GRAMD1C: variants seen among roughly 807,000 people sequenced by gnomAD.
GRAMD1C encodes GRAM domain containing 1C.
Under a neutral mutation model 97.8 loss-of-function variants are expected in GRAMD1C, and 89 were observed. The ratio of observed to expected loss-of-function variants is 0.91; its 90% CI spans 0.77 to 1.09. The LOEUF (loss-of-function observed/expected upper bound fraction) is 1.09, where lower values mean the gene tolerates loss of function less well. Ranked by LOEUF, GRAMD1C falls within the 50% of genes least tolerant of loss-of-function variation. The probability of loss-of-function intolerance (pLI) is 0.00; values close to 1 mark genes in which losing one functional copy is unlikely to be tolerated. For synonymous variants in GRAMD1C, 256 were observed against 267.0 expected, an observed-to-expected ratio of 0.96 and a Z score of 0.40; for missense variants, 740 against 766.4, an observed-to-expected ratio of 0.97 and a Z score of 0.41.
chr3:113,881,178 G>C (rs1189175908), intron 5 of GRAMD1C, among the ~76,000 whole-genome samples: 1 of 152,024 alleles, frequency 6.6e-6, no homozygotes, highest in Non-Finnish European at 1.5e-5. Context: ...TGTCTGAGAT[G>C]GAGTCTCACT....
chr3:113,843,737 C>T (rs1933479016), intron 1 of GRAMD1C, among the ~76,000 whole-genome samples: 1 of 152,186 alleles, frequency 6.6e-6, no homozygotes, highest in Non-Finnish European at 1.5e-5. Flanking sequence ...GGATTACAGG[C>T]GTGAGCCACC....
At chr3:113,842,571 C>T (rs1423728374) in intron 1 of GRAMD1C, among the ~76,000 whole-genome samples, 1 of 152,098 alleles carries the variant, frequency 6.6e-6, no homozygotes, top group Non-Finnish European at 1.5e-5. Flanking sequence ...CTTCTCTACC[C>T]TCTCATGTTT....
chr3:113,916,557 A>G (rs1306643505), intron 10 of GRAMD1C, among the ~76,000 whole-genome samples: 3 of 152,182 alleles, frequency 2.0e-5, no homozygotes, highest in African/African-American at 7.2e-5. Context: ...GGCCAAACAA[A>G]TTTATGGACA....
rs1381031402 is a variant in GRAMD1C, at chr3:113,933,567, G to A, written c.1266G>A (p.Leu422=). 6.2e-7 allele frequency: 1 copy of A among 1,601,272 alleles called. No homozygotes were observed. The highest frequency in any genetic ancestry group is 8.6e-7 in the Non-Finnish European group (1 of 1,168,454). ...TTTATTTGGTAGATTCAGAAGTACT[G>A]ACACATGATGTCCCCTACCATGATT... ...ARFYLVDSEV[L]THDVPYHDYF... The change falls in exon 12 of 18, where the codon CTG becomes CTA. Residue 422 remains leucine, a synonymous_variant. Transcript: ENST00000358160.
At chr3:113,858,359 A>G (rs975640446) in intron 2 of GRAMD1C, among the ~76,000 whole-genome samples, 4 of 144,748 alleles carry the variant, frequency 2.8e-5, no homozygotes, top group Non-Finnish European at 4.5e-5. Context: ...CAGCCTCCCA[A>G]GTAGCTGGGA....
intron 1 of GRAMD1C, among the ~76,000 whole-genome samples, chr3:113,841,272 T>C (rs1277793502): frequency 1.8e-5 from 1 of 54,888 alleles, no homozygotes; most frequent in Non-Finnish European, 4.0e-5. Flanking sequence ...ACAAAGTACT[T>C]CTTTCTTTCT....
chr3:113,873,527 T>A (rs1370553946), intron 3 of GRAMD1C, among the ~76,000 whole-genome samples: 2 of 151,978 alleles, frequency 1.3e-5, no homozygotes, highest in African/African-American at 2.4e-5. Context: ...TTATTTTATT[T>A]TTTTTTTTGG....
intron 2 of GRAMD1C, among the ~76,000 whole-genome samples, chr3:113,845,419 C>T (rs79548880): frequency 0.012 from 1,772 of 152,162 alleles, 33 homozygotes; most frequent in African/African-American, 0.04. Flanking sequence ...TGGCTGGGCA[C>T]GATAGCTCAC....
intron 2 of GRAMD1C, among the ~76,000 whole-genome samples, chr3:113,857,412 G>A (rs1934183167): frequency 7.0e-6 from 1 of 142,488 alleles, no homozygotes. Flanking sequence ...GTCTTGCTCT[G>A]TCGCCCAGGC....
chr3:113,918,614 C>CT (rs1398883247), intron 10 of GRAMD1C, among the ~76,000 whole-genome samples: 1 of 152,212 alleles, frequency 6.6e-6, no homozygotes, highest in Non-Finnish European at 1.5e-5. Context: ...TAGTCAGAAG[C>CT]TTTACTACAA....
intron 2 of GRAMD1C, among the ~76,000 whole-genome samples, chr3:113,866,041 A>AAAATG (rs1427286048): frequency 1.3e-5 from 2 of 152,216 alleles, no homozygotes; most frequent in African/African-American, 4.8e-5. Context: ...GTGCTTGAAA[A>AAAATG]AAATGTGTAT....
Position 113,930,844 on chromosome 3 carries a change from T to A in GRAMD1C, c.1209+12T>A. On this transcript the variant is annotated intron_variant, in intron 11 of 17. Transcript: ENST00000358160. The stretch of plus-strand genomic sequence containing the variant: ...CCACTGAAAAGCAGGTACGTCTGCT[T>A]TGTCAGTGTCCAGAAGAGTCATGTG... The A allele has an allele frequency of 7.4e-7, 1 of 1,359,276 alleles. No homozygotes were observed. The highest frequency in any genetic ancestry group is 1.1e-6 in the Non-Finnish European group (1 of 948,122). The allele number at this position is 1,359,276 out of a possible 1,614,324, so 84.2% of individuals were successfully genotyped here. A position where few individuals can be genotyped will look rare whatever the true frequency, so the allele number is the denominator to read the frequency against.
chr3:113,920,584 C>T (rs928239630), intron 10 of GRAMD1C, among the ~76,000 whole-genome samples: 1 of 152,044 alleles, frequency 6.6e-6, no homozygotes, highest in Non-Finnish European at 1.5e-5. Context: ...TCTGGTTGCC[C>T]AGGCTGGAGT....
chr3:113,875,644 G>C, intron 4 of GRAMD1C, 57 bp downstream of exon 4: 1 of 786,422 alleles, frequency 1.3e-6, no homozygotes, highest in South Asian at 1.5e-5. Context: ...GATATATACA[G>C]TTCTTCCAAA....
At chr3:113,931,916 ACT>A (rs1485196726) in intron 11 of GRAMD1C, among the ~76,000 whole-genome samples, 1 of 152,076 alleles carries the variant, frequency 6.6e-6, no homozygotes. Flanking sequence ...ACAGAGCTAG[ACT>A]CTGTCTCAAA....
intron 2 of GRAMD1C, among the ~76,000 whole-genome samples, chr3:113,852,499 T>C (rs1159061799): frequency 6.6e-6 from 1 of 152,150 alleles, no homozygotes; most frequent in Non-Finnish European, 1.5e-5. Flanking sequence ...AAGGGGACGA[T>C]TTAAATGCTC....
chr3:113,903,366 GT>G (rs959758200), intron 7 of GRAMD1C, among the ~76,000 whole-genome samples: 4 of 152,136 alleles, frequency 2.6e-5, no homozygotes, highest in African/African-American at 9.6e-5. Context: ...AAGCATATCT[GT>G]TTCAAACCTT....
intron 2 of GRAMD1C, among the ~76,000 whole-genome samples, chr3:113,846,959 A>G (rs779926287): frequency 1.4e-4 from 22 of 152,172 alleles, no homozygotes; most frequent in Non-Finnish European, 3.1e-4. Flanking sequence ...TCAGAAGCAA[A>G]CAAAAACAAA....
chr3:113,941,867 C>T (rs745992197), intron 17 of GRAMD1C, among the ~76,000 whole-genome samples: 3 of 151,930 alleles, frequency 2.0e-5, no homozygotes, highest in Non-Finnish European at 2.9e-5. Flanking sequence ...GATCCTCTCA[C>T]CTCGGCCTCC....
Sources: gnomAD v4.1 joint callset for allele counts (sites outside exome capture counted in the v4.1 genomes callset) on GRCh38, gnomAD v4.1.1 for gene constraint, MANE v1.5 for transcripts, NCBI Gene and HGNC (gene_info 2026-07-23, HGNC 2026-07-21) for gene names.